Variants in CCSER1 observed in about 807,000 individuals in gnomAD.
CCSER1 encodes the protein coiled-coil serine rich protein 1.
A neutral mutation model predicts 82.0 loss-of-function variants in CCSER1; 41 were observed. The ratio of observed to expected loss-of-function variants is 0.50; its 90% CI spans 0.39 to 0.65. CCSER1 has a LOEUF of 0.65. CCSER1 is among the 30% of genes least tolerant of loss of function. The probability of loss-of-function intolerance (pLI) is 0.00; values close to 1 mark genes in which losing one functional copy is unlikely to be tolerated. For missense variants in CCSER1, 1,119 were observed against 1,064.2 expected, an observed-to-expected ratio of 1.05 and a Z score of -0.72; for synonymous variants, 414 against 383.9, an observed-to-expected ratio of 1.08 and a Z score of -0.92.
chr4:91,094,256 TG>T (rs1724271463), intron 10 of CCSER1, among the ~76,000 whole-genome samples: 1 of 152,176 alleles, frequency 6.6e-6, no homozygotes, highest in Non-Finnish European at 1.5e-5. Context: ...TTTAAACCCC[TG>T]GGGAAGCCGA....
chr4:91,551,244 T>C (rs956742528), intron 10 of CCSER1, among the ~76,000 whole-genome samples: 1 of 152,142 alleles, frequency 6.6e-6, no homozygotes, highest in Non-Finnish European at 1.5e-5. Flanking sequence ...GTTATTGTGT[T>C]AATTGCTTAA....
intron 7 of CCSER1, among the ~76,000 whole-genome samples, chr4:90,754,285 T>A (rs1395002370): frequency 6.6e-6 from 1 of 152,208 alleles, no homozygotes; most frequent in Non-Finnish European, 1.5e-5. Flanking sequence ...GCTAAAAAAA[T>A]TATTTCATGT....
intron 5 of CCSER1, among the ~76,000 whole-genome samples, chr4:90,598,112 C>T (rs560500284): frequency 5.3e-5 from 8 of 152,166 alleles, no homozygotes; most frequent in Admixed American, 3.3e-4. Flanking sequence ...GACAGTGTAG[C>T]TATCTTTAGG....
intron 1 of CCSER1, among the ~76,000 whole-genome samples, chr4:90,289,366 A>T (rs1730500596): frequency 6.6e-6 from 1 of 151,902 alleles, no homozygotes; most frequent in Non-Finnish European, 1.5e-5. Context: ...AGATTTTCAA[A>T]GTTATTTTAG....
chr4:91,007,286 A>C (rs1017339054), intron 9 of CCSER1, among the ~76,000 whole-genome samples: 3 of 152,188 alleles, frequency 2.0e-5, no homozygotes, highest in African/African-American at 7.2e-5. Flanking sequence ...TTTGGAATCA[A>C]AGTAATTCAA....
intron 9 of CCSER1, among the ~76,000 whole-genome samples, chr4:90,979,652 T>A (rs766773116): frequency 4.6e-5 from 7 of 151,772 alleles, no homozygotes; most frequent in Non-Finnish European, 1.0e-4. Flanking sequence ...GCCAGTGAAA[T>A]GTGAGTAGGA....
chr4:90,584,794 G>C (rs1781806566), intron 5 of CCSER1, among the ~76,000 whole-genome samples: 2 of 151,936 alleles, frequency 1.3e-5, no homozygotes, highest in African/African-American at 2.4e-5. Flanking sequence ...CCATGTTTTA[G>C]TTCAATTTTT....
intron 10 of CCSER1, among the ~76,000 whole-genome samples, chr4:91,347,544 A>G (rs1256567060): frequency 3.9e-5 from 6 of 151,964 alleles, no homozygotes; most frequent in Non-Finnish European, 7.4e-5. Flanking sequence ...TGTTTAATGT[A>G]TTGATCAAGT....
Position 91,496,992 on chromosome 4 carries a change from T to A in CCSER1, c.2218-101580T>A, listed in dbSNP as rs902887814. Among the ~76,000 whole-genome samples, 8 of 150,208 alleles carry A rather than the reference T, an allele frequency of 5.3e-5. No individual in the cohort carries two copies. In the South Asian group the frequency reaches 1.7e-3, roughly 31 times the overall value. On this transcript the variant is annotated intron_variant, in intron 10 of 10. Transcript: ENST00000509176. ...ATAGACTTATCGATGTTCTTCTCCA[T>A]CCTGACCATTCTTACTGCTATTCTT...
chr4:90,627,769 A>G (rs1436141681), intron 5 of CCSER1, among the ~76,000 whole-genome samples: 1 of 152,116 alleles, frequency 6.6e-6, no homozygotes, highest in Non-Finnish European at 1.5e-5. Flanking sequence ...TCACGAGGTC[A>G]GGAGATTGAG....
intron 10 of CCSER1, among the ~76,000 whole-genome samples, chr4:91,589,916 T>A (rs762057940): frequency 2.0e-5 from 3 of 148,830 alleles, no homozygotes; most frequent in East Asian, 3.9e-4. Flanking sequence ...ACACACACAC[T>A]CTCTCACACA....
chr4:91,594,764 A>ATAAT (rs972220886), intron 10 of CCSER1, among the ~76,000 whole-genome samples: 10 of 152,068 alleles, frequency 6.6e-5, no homozygotes, highest in African/African-American at 2.4e-4. Context: ...GAAGCCCAGA[A>ATAAT]TAATTAATTT....
At chr4:91,463,108 C>A (rs1441998705) in intron 10 of CCSER1, among the ~76,000 whole-genome samples, 1 of 152,174 alleles carries the variant, frequency 6.6e-6, no homozygotes, top group Non-Finnish European at 1.5e-5. Flanking sequence ...AGGCACCCCC[C>A]AGTAGAGGTA....
intron 10 of CCSER1, among the ~76,000 whole-genome samples, chr4:91,262,189 G>A (rs183483128): frequency 9.7e-4 from 147 of 151,176 alleles, no homozygotes; most frequent in Non-Finnish European, 1.8e-3. Flanking sequence ...CTTACAGGTT[G>A]TGGCTCTGAA....
At chr4:90,844,956 A>G (rs1763019107) in intron 8 of CCSER1, among the ~76,000 whole-genome samples, 1 of 152,232 alleles carries the variant, frequency 6.6e-6, no homozygotes, top group Non-Finnish European at 1.5e-5. Context: ...GACAATATGT[A>G]AATGAATTGG....
At chr4:90,601,009 G>A (rs576082108) in intron 5 of CCSER1, among the ~76,000 whole-genome samples, 1 of 151,874 alleles carries the variant, frequency 6.6e-6, no homozygotes, top group South Asian at 2.1e-4. Context: ...ATACAATGGA[G>A]TTTTGAATAT....
chr4:90,530,121 A>G (rs1190488833), intron 5 of CCSER1, among the ~76,000 whole-genome samples: 4 of 152,170 alleles, frequency 2.6e-5, no homozygotes, highest in Admixed American at 1.3e-4. Context: ...AACACCTACT[A>G]GGTGACAGAC....
intron 5 of CCSER1, among the ~76,000 whole-genome samples, chr4:90,494,105 G>C (rs956384471): frequency 6.6e-6 from 1 of 152,070 alleles, no homozygotes; most frequent in Non-Finnish European, 1.5e-5. Flanking sequence ...AAAAGGCAGG[G>C]GTTGCAATCC....
At chr4:91,141,055 T>G (rs1353497006) in intron 10 of CCSER1, among the ~76,000 whole-genome samples, 2 of 152,106 alleles carry the variant, frequency 1.3e-5, no homozygotes, top group Admixed American at 6.6e-5. Flanking sequence ...AAAGTGAAAA[T>G]GTGGTATTTG....
Sources: gnomAD v4.1 joint callset for allele counts (sites outside exome capture counted in the v4.1 genomes callset) on GRCh38, gnomAD v4.1.1 for gene constraint, MANE v1.5 for transcripts, NCBI Gene and HGNC (gene_info 2026-07-23, HGNC 2026-07-21) for gene names.